HLA-DPB1: variants seen among roughly 807,000 people sequenced by gnomAD.
The protein encoded by HLA-DPB1 is major histocompatibility complex, class II, DP beta 1, also known as HLA class II histocompatibility antigen, DP beta 1 chain.
Under a neutral mutation model 29.4 loss-of-function variants are expected in HLA-DPB1, and 30 were observed. That is an observed-to-expected ratio of 1.02 (90% confidence interval 0.76 to 1.38). HLA-DPB1 has a LOEUF of 1.38. Among genes scored for constraint, HLA-DPB1 ranks in the 40% most tolerant of loss-of-function variants. HLA-DPB1 has a pLI of 0.00. For synonymous variants in HLA-DPB1, 114 were observed against 134.0 expected (o/e 0.85, Z 1.03); for missense variants, 261 against 327.5 (o/e 0.80, Z 1.57).
In HLA-DPB1 at chr6:33,084,627, T is replaced by C. The variant is rs372955803; in HGVS notation, c.365-323T>C. Reference sequence around the variant, plus strand: ...CAGGCTGACCAACATGGAGAAACCTTGTCTCTACTAATAATACAAAAATTA... The same window carrying C: ...CAGGCTGACCAACATGGAGAAACCTCGTCTCTACTAATAATACAAAAATTA... On this transcript the variant is annotated intron_variant, in intron 2 of 5. Transcript: ENST00000418931. Among the ~76,000 whole-genome samples, 82 of 152,090 alleles carry C rather than the reference T, an allele frequency of 5.4e-4. 1 individual carries two copies. In the South Asian group the frequency reaches 7.5e-3, roughly 14 times the overall value.
intron 1 of HLA-DPB1, among the ~76,000 whole-genome samples, chr6:33,077,179 T>C (rs6934289): frequency 0.13 from 20,027 of 151,276 alleles, 1,630 homozygotes; most frequent in Admixed American, 0.25. Flanking sequence ...CTTTGGTTTT[T>C]TGTCCTTGCA....
At chr6:33,081,413 C>A (rs1021321117) in intron 2 of HLA-DPB1, among the ~76,000 whole-genome samples, 1 of 151,810 alleles carries the variant, frequency 6.6e-6, no homozygotes, top group South Asian at 2.1e-4. Flanking sequence ...GAGAGGGGAC[C>A]CAGGGGGAAG....
At position 33,088,978 on chromosome 6, in the gene HLA-DPB1, C is replaced by T. The variant is rs916727180; in HGVS notation, c.*2444C>T. Among the ~76,000 whole-genome samples, 1 of 152,038 alleles carries T rather than the reference C, an allele frequency of 6.6e-6. No individual in the cohort carries two copies. Among genetic ancestry groups the T allele is most frequent in the African/African-American group, 2.4e-5 (1 of 41,362 alleles). ...TTCCCTAACGAGAAGGTGGTCCACCCAACAGACAACACTGCCTCAGATGGT... is the reference window on the plus strand; with the variant it reads ...TTCCCTAACGAGAAGGTGGTCCACCTAACAGACAACACTGCCTCAGATGGT... On this transcript the variant is annotated 3_prime_UTR_variant, in exon 6 of 6. Transcript: ENST00000418931.
chr6:33,082,639 A>G (rs900600659), intron 2 of HLA-DPB1, among the ~76,000 whole-genome samples: 2 of 152,142 alleles, frequency 1.3e-5, no homozygotes, highest in Non-Finnish European at 2.9e-5. Flanking sequence ...AACTGCTATT[A>G]TTTGTCAGGG....
Position 33,088,728 on chromosome 6 carries a change from G to A in HLA-DPB1, c.*2194G>A, listed in dbSNP as rs532580156. Among the ~76,000 whole-genome samples, 69 of 152,310 alleles carry A rather than the reference G, an allele frequency of 4.5e-4. No homozygotes were observed. The highest frequency in any genetic ancestry group is 1.4e-3 in the African/African-American group (59 of 41,552). On this transcript the variant is annotated 3_prime_UTR_variant, in exon 6 of 6. Coordinates refer to ENST00000418931, the MANE Select transcript of HLA-DPB1 (RefSeq NM_002121.6). The stretch of plus-strand genomic sequence containing the variant: ...GCAGCAGGATCAAAGGCAGCCAGGA[G>A]GTAGAGGAGTCTTGAGGTACATCAG...
rs912128450 is a variant in HLA-DPB1 at position 33,084,970 on chromosome 6, T to TC, written c.390dup (p.Ser131LeufsTer47). On this transcript the variant is annotated frameshift_variant, in exon 3 of 6. Transcript: ENST00000418931. LOFTEE classifies it high-confidence loss of function. ...CCTAGTCCAGCCTAGGGTGAATGTT[T>TC]CCCCCTCCAAGAAGGGGCCCTTGCA... is the stretch of plus-strand genomic sequence containing the variant. The TC allele has an allele frequency of 1.2e-5, 19 of 1,588,620 alleles. 4 individuals are homozygous for TC. The highest frequency in any genetic ancestry group is 1.6e-5 in the Non-Finnish European group (19 of 1,159,336).
intron 1 of HLA-DPB1, chr6:33,079,914 A>G (rs1397080103): frequency 3.8e-6 from 1 of 261,072 alleles, no homozygotes; most frequent in African/African-American, 2.3e-5. Context: ...CTGCCAAAAA[A>G]AATTACATCA....
chr6:33,079,062 G>A (rs962107848), intron 1 of HLA-DPB1, among the ~76,000 whole-genome samples: 9 of 152,174 alleles, frequency 5.9e-5, no homozygotes, highest in Non-Finnish European at 1.2e-4. Context: ...GAGACTAAAG[G>A]TGGACTCCAT....
In HLA-DPB1 at chr6:33,086,927, T is replaced by G; in HGVS notation, c.*393T>G. The G allele has an allele frequency of 3.8e-6, 1 of 265,332 alleles. No homozygotes were observed. Among genetic ancestry groups the G allele is most frequent in the Non-Finnish European group, 7.3e-6 (1 of 136,906 alleles). 16.4% of individuals were successfully genotyped at this position (265,332 alleles called of 1,614,324 possible). On this transcript the variant is annotated 3_prime_UTR_variant, in exon 6 of 6. Coordinates refer to ENST00000418931, the MANE Select transcript of HLA-DPB1 (RefSeq NM_002121.6). ...GAAAATGGGGATATGTTAACTATTG[T>G]ATAATGGGGCCTGTTACACATGACA...
In HLA-DPB1 at chr6:33,089,347, G is replaced by A. The variant is rs116633358; in HGVS notation, c.*2813G>A. Among the ~76,000 whole-genome samples the A allele has an allele frequency of 5.1e-3, 779 of 152,278 alleles. 3 individuals are homozygous for A. Among genetic ancestry groups the A allele is most frequent in the East Asian group, 0.011 (58 of 5,174 alleles). Reference sequence around the variant, plus strand: ...CAATTTCTTTTACACAGTAAGAATAGGATCAGCTGTGCTAAACTAACAAAT... The same window carrying A: ...CAATTTCTTTTACACAGTAAGAATAAGATCAGCTGTGCTAAACTAACAAAT... On this transcript the variant is annotated 3_prime_UTR_variant, in exon 6 of 6. Transcript: ENST00000418931.
Position 33,076,013 on chromosome 6 carries a change from T to G in HLA-DPB1, c.-29T>G. On this transcript the variant is annotated 5_prime_UTR_variant, in exon 1 of 6. Transcript: ENST00000418931. ...GTCCTTCTTTTCCTGACTGCAGCTC[T>G]TTTCATTTTGCCATCCTTTTCCAGC... 1 of 1,571,410 alleles carries G rather than the reference T, an allele frequency of 6.4e-7. No homozygotes were observed. Among genetic ancestry groups the G allele is most frequent in the Non-Finnish European group, 8.7e-7 (1 of 1,147,176 alleles).
chr6:33,087,609 C>T lies in HLA-DPB1; in HGVS notation c.*1075C>T, dbSNP rs1023899754. ...TGCCTTCAGTCTCCCTGGCTTCTTA[C>T]AAGCATCTTCTGGGCCTTGTGTGTC... On this transcript the variant is annotated 3_prime_UTR_variant, in exon 6 of 6. Coordinates refer to ENST00000418931, the MANE Select transcript of HLA-DPB1 (RefSeq NM_002121.6). Among the ~76,000 whole-genome samples, 13 of 152,204 alleles carry T rather than the reference C, an allele frequency of 8.5e-5. No homozygotes were observed. Among genetic ancestry groups the T allele is most frequent in the Admixed American group, 8.5e-4 (13 of 15,286 alleles).
At position 33,088,966 on chromosome 6, in the gene HLA-DPB1, A is replaced by G. The variant is rs1583135828; in HGVS notation, c.*2432A>G. Among the ~76,000 whole-genome samples the G allele has an allele frequency of 6.6e-6, 1 of 152,182 alleles. No homozygotes were observed. Among genetic ancestry groups the G allele is most frequent in the Middle Eastern group, 3.4e-3 (1 of 294 alleles). ...TACCCCTCACAGTTCCCTAACGAGAAGGTGGTCCACCCAACAGACAACACT... is the reference window on the plus strand; with the variant it reads ...TACCCCTCACAGTTCCCTAACGAGAGGGTGGTCCACCCAACAGACAACACT... On this transcript the variant is annotated 3_prime_UTR_variant, in exon 6 of 6. Coordinates refer to ENST00000418931, the MANE Select transcript of HLA-DPB1 (RefSeq NM_002121.6).
rs1763259073 is a variant in HLA-DPB1 at position 33,089,538 on chromosome 6, C to G, written c.*3004C>G. Among the ~76,000 whole-genome samples the G allele has an allele frequency of 6.6e-6, 1 of 152,188 alleles. No homozygotes were observed. Among genetic ancestry groups the G allele is most frequent in the Non-Finnish European group, 1.5e-5 (1 of 68,020 alleles). On this transcript the variant is annotated 3_prime_UTR_variant, in exon 6 of 6. Transcript: ENST00000418931. ...GGGAACCTAAGAATTTATTCACTGG[C>G]TTTTAATGATCCCTCCTAGAAAGAA...
chr6:33,083,170 G>A (rs541682203), intron 2 of HLA-DPB1, among the ~76,000 whole-genome samples: 21 of 152,296 alleles, frequency 1.4e-4, no homozygotes, highest in African/African-American at 4.6e-4. Flanking sequence ...TGAGGGAAGA[G>A]GCTGACAATG....
Position 33,082,765 on chromosome 6 carries a change from G to A in HLA-DPB1, c.364+1830G>A, listed in dbSNP as rs374558159. ...GGTGGATGTCCACCCAAATCTAGAAGTAATTGAGCAAATGTTTTCTGGGCA... is the reference window on the plus strand; with the variant it reads ...GGTGGATGTCCACCCAAATCTAGAAATAATTGAGCAAATGTTTTCTGGGCA... On this transcript the variant is annotated intron_variant, in intron 2 of 5. Transcript: ENST00000418931. 5.4e-4 allele frequency among the ~76,000 whole-genome samples: 82 copies of A among 152,324 alleles called. 1 individual carries two copies. In the South Asian group the frequency reaches 7.4e-3, roughly 14 times the overall value.
At position 33,087,877 on chromosome 6, in the gene HLA-DPB1, G is replaced by T. The variant is rs777184976; in HGVS notation, c.*1343G>T. ...GCCACACACAAGGACAACCAATCAT[G>T]TTTCTCATAATCTTCTTAACCTAGG... On this transcript the variant is annotated 3_prime_UTR_variant, in exon 6 of 6. Coordinates refer to ENST00000418931, the MANE Select transcript of HLA-DPB1 (RefSeq NM_002121.6). 1.0e-4 allele frequency among the ~76,000 whole-genome samples: 15 copies of T among 147,622 alleles called. No individual in the cohort carries two copies. Among genetic ancestry groups the T allele is most frequent in the Non-Finnish European group, 2.3e-4 (15 of 65,782 alleles).
chr6:33,082,666 A>AAG (rs1562153309), intron 2 of HLA-DPB1, among the ~76,000 whole-genome samples: 3 of 152,190 alleles, frequency 2.0e-5, no homozygotes, highest in African/African-American at 7.2e-5. Flanking sequence ...CAATCAAGGC[A>AAG]TGAGTTAGAA....
intron 1 of HLA-DPB1, among the ~76,000 whole-genome samples, chr6:33,078,215 G>A (rs879343507): frequency 1.3e-5 from 2 of 152,164 alleles, no homozygotes; most frequent in African/African-American, 2.4e-5. Flanking sequence ...GAGGTTTGTA[G>A]GGGGAATGAG....
Sources: allele counts gnomAD v4.1 joint callset (sites outside exome capture counted in the v4.1 genomes callset), GRCh38; gene constraint gnomAD v4.1.1; transcripts MANE v1.5; gene names NCBI Gene and HGNC (gene_info 2026-07-23, HGNC 2026-07-21).